The following TMEM108 variants were observed in gnomAD, a reference collection of about 807,000 sequenced individuals.
TMEM108 encodes the protein cancer/testis antigen 124.
Under a neutral mutation model 35.1 loss-of-function variants are expected in TMEM108, and 12 were observed. The ratio of observed to expected loss-of-function variants is 0.34; its 90% CI spans 0.22 to 0.55. The LOEUF (loss-of-function observed/expected upper bound fraction) is 0.55. TMEM108 is among the 20% of genes least tolerant of loss of function. TMEM108 has a pLI of 0.89. For synonymous variants in TMEM108, 287 were observed against 308.6 expected (o/e 0.93, Z 0.73); for missense variants, 680 against 753.3 (o/e 0.90, Z 1.14).
chr3:133,126,737 C>T (rs544248011), intron 2 of TMEM108, among the ~76,000 whole-genome samples: 2 of 152,148 alleles, frequency 1.3e-5, no homozygotes, highest in African/African-American at 4.8e-5. Flanking sequence ...CCAGGACTCC[C>T]CACAGATACC....
intron 3 of TMEM108, among the ~76,000 whole-genome samples, chr3:133,300,267 G>A (rs1947201933): frequency 3.3e-5 from 5 of 152,162 alleles, no homozygotes; most frequent in Admixed American, 3.3e-4. Context: ...AATGTCCGTA[G>A]GCAGTATGCA....
intron 3 of TMEM108, among the ~76,000 whole-genome samples, chr3:133,328,111 C>T (rs1435124088): frequency 6.6e-6 from 1 of 152,134 alleles, no homozygotes; most frequent in Admixed American, 6.5e-5. Flanking sequence ...AGTGCAAGTC[C>T]AGGGAAATTC....
chr3:133,374,130 T>G (rs551797988), intron 3 of TMEM108, among the ~76,000 whole-genome samples: 1 of 152,140 alleles, frequency 6.6e-6, no homozygotes, highest in Non-Finnish European at 1.5e-5. Context: ...GGCTGTAGCC[T>G]CAGAAGGGAT....
At chr3:133,251,396 A>G (rs374743306) in intron 3 of TMEM108, among the ~76,000 whole-genome samples, 2 of 152,192 alleles carry the variant, frequency 1.3e-5, no homozygotes, top group Non-Finnish European at 2.9e-5. Flanking sequence ...GTCTCTAAAG[A>G]GTTTCATACA....
intron 3 of TMEM108, among the ~76,000 whole-genome samples, chr3:133,366,950 G>A (rs1280236184): frequency 1.3e-5 from 2 of 152,230 alleles, no homozygotes; most frequent in African/African-American, 2.4e-5. Flanking sequence ...GAGGAGTCCA[G>A]TGGTGATGAG....
intron 2 of TMEM108, among the ~76,000 whole-genome samples, chr3:133,116,680 C>T (rs1163582060): frequency 2.6e-5 from 4 of 152,208 alleles, no homozygotes; most frequent in Non-Finnish European, 5.9e-5. Flanking sequence ...TAATCCAAAA[C>T]TTATTTTGCC....
intron 3 of TMEM108, among the ~76,000 whole-genome samples, chr3:133,313,055 C>T (rs780143883): frequency 6.6e-6 from 1 of 152,106 alleles, no homozygotes; most frequent in Non-Finnish European, 1.5e-5. Flanking sequence ...GAGCAAGACC[C>T]AGTCTAGGAC....
At chr3:133,392,847 A>G (rs147433090) in intron 5 of TMEM108, among the ~76,000 whole-genome samples, 11 of 152,248 alleles carry the variant, frequency 7.2e-5, no homozygotes, top group African/African-American at 2.4e-4. Context: ...GAGTGCTGCA[A>G]TGGCCTCTAA....
chr3:133,163,614 A>G (rs1461715387), intron 2 of TMEM108, among the ~76,000 whole-genome samples: 1 of 152,168 alleles, frequency 6.6e-6, no homozygotes, highest in Non-Finnish European at 1.5e-5. Flanking sequence ...GCTCACACTC[A>G]TTCCTCTAAC....
intron 1 of TMEM108, among the ~76,000 whole-genome samples, chr3:133,042,269 A>G (rs1482841915): frequency 1.3e-5 from 2 of 152,184 alleles, no homozygotes; most frequent in Non-Finnish European, 2.9e-5. Context: ...TGCTTTGTGT[A>G]GTTCCCATCC....
intron 3 of TMEM108, among the ~76,000 whole-genome samples, chr3:133,319,133 C>A (rs1234994480): frequency 6.6e-6 from 1 of 152,086 alleles, no homozygotes; most frequent in Non-Finnish European, 1.5e-5. Flanking sequence ...TGGAACATAA[C>A]CCCGTTGGCC....
At chr3:133,052,541 GAA>G in intron 2 of TMEM108, among the ~76,000 whole-genome samples, 1 of 117,824 alleles carries the variant, frequency 8.5e-6, no homozygotes, top group Admixed American at 8.6e-5. Context: ...TACAATGTTT[GAA>G]AAAAAAAAAA....
intron 3 of TMEM108, among the ~76,000 whole-genome samples, chr3:133,305,673 T>C (rs1023715172): frequency 2.4e-4 from 37 of 152,082 alleles, no homozygotes; most frequent in African/African-American, 8.7e-4. Flanking sequence ...CAAATTGTTT[T>C]CCAAAGTGGC....
At chr3:133,359,502 G>A (rs2072279787) in intron 3 of TMEM108, among the ~76,000 whole-genome samples, 1 of 152,144 alleles carries the variant, frequency 6.6e-6, no homozygotes, top group African/African-American at 2.4e-5. Flanking sequence ...ACTCATCTGT[G>A]TGAAAAGTAG....
chr3:133,394,845 G>GTTATGTAT (rs2073283358), intron 5 of TMEM108, among the ~76,000 whole-genome samples: 1 of 152,170 alleles, frequency 6.6e-6, no homozygotes, highest in Non-Finnish European at 1.5e-5. Flanking sequence ...GAAAGTATCT[G>GTTATGTAT]TTATGTATGT....
intron 2 of TMEM108, among the ~76,000 whole-genome samples, chr3:133,173,069 A>T (rs1945154242): frequency 6.6e-6 from 1 of 152,168 alleles, no homozygotes; most frequent in East Asian, 1.9e-4. Flanking sequence ...GTATGTCTTT[A>T]TCAGCAGCAT....
chr3:133,386,759 G>A lies in TMEM108; in HGVS notation c.1451-3421G>A, dbSNP rs78072145. 1.6e-3 allele frequency: 1,952 copies of A among 1,197,412 alleles called. 25 individuals are homozygous for A. In the African/African-American group the frequency reaches 0.026, roughly 16 times the overall value. 74.2% of individuals were successfully genotyped at this position (1,197,412 alleles called of 1,614,324 possible). The stretch of plus-strand genomic sequence containing the variant: ...CAGTTTACAAAACGCTTCTGCATAT[G>A]TCATCTCTATACCCTCCGGTGTTCA... On this transcript the variant is annotated intron_variant, in intron 4 of 5. Transcript: ENST00000321871.
intron 3 of TMEM108, among the ~76,000 whole-genome samples, chr3:133,264,103 C>G (rs911811401): frequency 6.6e-6 from 1 of 152,016 alleles, no homozygotes; most frequent in Non-Finnish European, 1.5e-5. Context: ...GCTAAGAGTT[C>G]AAGACCAGTC....
intron 2 of TMEM108, among the ~76,000 whole-genome samples, chr3:133,057,454 T>TACAC: frequency 5.6e-5 from 2 of 35,720 alleles, no homozygotes; most frequent in Non-Finnish European, 1.6e-4. Context: ...TATATATATA[T>TACAC]ATATATATAT....
Sources: gnomAD v4.1 joint callset for allele counts (sites outside exome capture counted in the v4.1 genomes callset) on GRCh38, gnomAD v4.1.1 for gene constraint, MANE v1.5 for transcripts, NCBI Gene and HGNC (gene_info 2026-07-23, HGNC 2026-07-21) for gene names.